Variants in MSN observed in about 807,000 individuals in gnomAD.
The protein encoded by MSN is epididymis luminal protein 70.
MSN carries 2 observed loss-of-function variants against 48.0 expected under a neutral mutation model. The ratio of observed to expected loss-of-function variants is 0.04; its 90% confidence interval spans 0.02 to 0.13. The LOEUF (loss-of-function observed/expected upper bound fraction) is 0.13. Ranked by LOEUF, MSN falls within the 10% of genes least tolerant of loss-of-function variation. MSN has a pLI of 1.00. For missense variants in MSN, 267 were observed against 470.1 expected (o/e 0.57, Z 3.99); for synonymous variants, 146 against 166.9 (o/e 0.87, Z 0.97).
chrX:65,717,499 G>A (rs191958008), intron 2 of MSN, among the ~76,000 whole-genome samples: 5 of 112,335 alleles, frequency 4.5e-5, no homozygotes, highest in African/African-American at 1.6e-4. Flanking sequence ...GAAGATAATT[G>A]CTTACTCGCC....
intron 1 of MSN, among the ~76,000 whole-genome samples, chrX:65,626,790 T>C (rs1179236528): frequency 9.2e-6 from 1 of 108,940 alleles, no homozygotes; most frequent in Non-Finnish European, 1.9e-5. Context: ...CTTAGTATGG[T>C]CTAAGTTCTG....
intron 1 of MSN, among the ~76,000 whole-genome samples, chrX:65,591,359 C>G (rs1395302141): frequency 8.9e-6 from 1 of 111,900 alleles, no homozygotes; most frequent in Non-Finnish European, 1.9e-5. Flanking sequence ...ATGTCTATCC[C>G]CTGTCTGCTC....
intron 1 of MSN, among the ~76,000 whole-genome samples, chrX:65,705,876 A>G (rs1260938023): frequency 9.0e-6 from 1 of 111,664 alleles, no homozygotes; most frequent in Non-Finnish European, 1.9e-5. Context: ...AATACTGCTA[A>G]CCCATTAAGG....
intron 1 of MSN, among the ~76,000 whole-genome samples, chrX:65,590,262 C>G (rs1365222264): frequency 9.0e-6 from 1 of 111,409 alleles, no homozygotes; most frequent in African/African-American, 3.3e-5. Flanking sequence ...GCACCCCTGG[C>G]ACCTTGCTGC....
At chrX:65,721,632 A>G (rs1264553924) in intron 2 of MSN, among the ~76,000 whole-genome samples, 1 of 111,586 alleles carries the variant, frequency 9.0e-6, no homozygotes, top group Admixed American at 9.5e-5. Flanking sequence ...TGAGGAACTG[A>G]GGCTTACAGA....
At chrX:65,618,429 T>C (rs1299452378) in intron 1 of MSN, among the ~76,000 whole-genome samples, 1 of 111,410 alleles carries the variant, frequency 9.0e-6, no homozygotes, top group Non-Finnish European at 1.9e-5. Flanking sequence ...AGTTAGCTCT[T>C]CTTGTTGAAT....
intron 1 of MSN, among the ~76,000 whole-genome samples, chrX:65,651,371 A>G (rs1417734574): frequency 9.3e-6 from 1 of 107,551 alleles, no homozygotes; most frequent in Non-Finnish European, 1.9e-5. Context: ...ATGGATATGT[A>G]TGTTCAGGGT....
chrX:65,730,326 C>T (rs779765576), intron 4 of MSN, among the ~76,000 whole-genome samples: 1 of 112,050 alleles, frequency 8.9e-6, no homozygotes, highest in African/African-American at 3.2e-5. Context: ...TCATCTGAGG[C>T]AGAGCCAGAG....
intron 1 of MSN, among the ~76,000 whole-genome samples, chrX:65,650,357 G>C (rs1026181414): frequency 8.9e-5 from 10 of 112,067 alleles, no homozygotes; most frequent in African/African-American, 3.2e-4. Flanking sequence ...CAAAGTGCTG[G>C]GATTACAGGC....
At chrX:65,619,864 G>A (rs1278588355) in intron 1 of MSN, among the ~76,000 whole-genome samples, 1 of 109,283 alleles carries the variant, frequency 9.2e-6, no homozygotes, top group Non-Finnish European at 1.9e-5. Context: ...CTTTGATGAT[G>A]GTGATGTACA....
chrX:65,630,110 C>T (rs1394594443), intron 1 of MSN, among the ~76,000 whole-genome samples: 2 of 108,808 alleles, frequency 1.8e-5, no homozygotes, highest in African/African-American at 3.4e-5. Context: ...ACCTGGGAGG[C>T]GGGGGCTGCA....
chrX:65,599,744 G>T (rs1261644338), intron 1 of MSN, among the ~76,000 whole-genome samples: 1 of 111,772 alleles, frequency 8.9e-6, no homozygotes, highest in Non-Finnish European at 1.9e-5. Flanking sequence ...TGAATAGGCA[G>T]CTAAGCAAGG....
At chrX:65,697,749 T>C (rs542509250) in intron 1 of MSN, among the ~76,000 whole-genome samples, 1 of 112,645 alleles carries the variant, frequency 8.9e-6, no homozygotes, top group African/African-American at 3.2e-5. Flanking sequence ...GGAAGAACAT[T>C]GGCATGTCAT....
chrX:65,722,738 T>A (rs759688733), intron 2 of MSN, among the ~76,000 whole-genome samples: 1 of 110,823 alleles, frequency 9.0e-6, no homozygotes, highest in East Asian at 2.8e-4. Context: ...GCTTTTGAAG[T>A]GGCTGATGAC....
chrX:65,609,663 A>C (rs763193891), intron 1 of MSN, among the ~76,000 whole-genome samples: 6 of 111,359 alleles, frequency 5.4e-5, no homozygotes, highest in East Asian at 5.6e-4. Context: ...GTGGGCGGAT[A>C]ATGAGGTCAG....
chrX:65,704,405 C>A (rs911391752), intron 1 of MSN, among the ~76,000 whole-genome samples: 2 of 112,152 alleles, frequency 1.8e-5, no homozygotes, highest in African/African-American at 6.5e-5. Flanking sequence ...CAATCCCCAG[C>A]TTGAGTCTTG....
chrX:65,728,575 G>C (rs1047225135), intron 3 of MSN, among the ~76,000 whole-genome samples: 9 of 111,236 alleles, frequency 8.1e-5, no homozygotes, highest in African/African-American at 2.9e-4. Context: ...TTACAGGCAT[G>C]AGCTACTGAG....
At chrX:65,701,072 G>A (rs1006986603) in intron 1 of MSN, among the ~76,000 whole-genome samples, 1 of 112,063 alleles carries the variant, frequency 8.9e-6, no homozygotes, top group African/African-American at 3.3e-5. Context: ...AGAGCATCAA[G>A]GAAAGAGAGA....
At position 65,589,085 on chromosome X, in the gene MSN, G is replaced by A. The variant is rs138931990; in HGVS notation, c.-22+473G>A. The A allele has an allele frequency of 7.4e-3, 962 of 129,359 alleles. 39 individuals carry two copies. The Admixed American group carries it at 0.075, about 10-fold the overall frequency. 10.7% of individuals were successfully genotyped at this position (129,359 alleles called of 1,213,427 possible). ...TCCAGTCAGGTACCTCCTACTCCCT[G>A]TGGAGGCCTGGGGATCTCTAAGGCC... On this transcript the variant is annotated intron_variant, in intron 1 of 3. Coordinates refer to the MSN transcript ENST00000609672.
Sources: allele counts gnomAD v4.1 joint callset (sites outside exome capture counted in the v4.1 genomes callset), GRCh38; gene constraint gnomAD v4.1.1; transcripts MANE v1.5; gene names NCBI Gene and HGNC (gene_info 2026-07-23, HGNC 2026-07-21).